Variants in SLC7A3 observed in about 807,000 individuals in gnomAD.
SLC7A3 encodes solute carrier family 7 member 3.
SLC7A3 carries 3 observed loss-of-function variants against 33.2 expected under a neutral mutation model. The observed-to-expected ratio is 0.09, with a 90% CI of 0.04 to 0.23. The LOEUF (loss-of-function observed/expected upper bound fraction) is 0.23, where lower values mean the gene tolerates loss of function less well. SLC7A3 is among the 10% of genes least tolerant of loss of function. The pLI, the probability that SLC7A3 is intolerant of heterozygous loss-of-function variation, is 1.00. For missense variants in SLC7A3, 360 were observed against 488.8 expected (o/e 0.74, Z 2.48); for synonymous variants, 193 against 195.1 (o/e 0.99, Z 0.09).
rs755496859 is a variant in SLC7A3, at chrX:70,926,160, G to A, written c.1639C>T (p.Leu547Phe). 18 of 1,209,507 alleles carry A rather than the reference G, an allele frequency of 1.5e-5. No homozygotes were observed. The highest frequency in any genetic ancestry group is 2.3e-4 in the Middle Eastern group (1 of 4,351). The change falls in exon 11 of 12, where the codon CTC becomes TTC. Residue 547 changes from leucine (L) to phenylalanine (F), a missense_variant. By Grantham distance (22) the Leu-to-Phe change is conservative. Transcript: ENST00000374299. ...LHFKVPALPL[L>F]PLMSIFVNIY... Reference sequence around the variant, plus strand: ...TTCACAAAGATGCTCATTAGTGGGAGGAGAGGCAAAGCAGGCACCTGAAAA... The same window carrying A: ...TTCACAAAGATGCTCATTAGTGGGAAGAGAGGCAAAGCAGGCACCTGAAAA...
intron 3 of SLC7A3, 76 bp from the exon 4 acceptor site, chrX:70,928,709 C>T (rs1194766375): frequency 8.9e-7 from 1 of 1,122,111 alleles, no homozygotes; most frequent in Non-Finnish European, 1.2e-6. Context: ...AGGTTCCTTC[C>T]CAGCTTTTCT....
Position 70,926,644 on chromosome X carries a change from T to C in SLC7A3, c.1503A>G (p.Pro501=), listed in dbSNP as rs948902263. 13 of 1,193,338 alleles carry C rather than the reference T, an allele frequency of 1.1e-5. No individual in the cohort carries two copies. The highest frequency in any genetic ancestry group is 1.5e-5 in the Non-Finnish European group (13 of 886,564). ...LCLVLAQWSV[P]LLSGDLLWTA... The stretch of plus-strand genomic sequence containing the variant: ...TCCACAGCAGGTCTCCAGAAAGCAA[T>C]GGAACTGACCACTGGGCCAGCACCA... The change falls in exon 10 of 12, where the codon CCA becomes CCG. Residue 501 remains proline, a synonymous_variant. Coordinates refer to ENST00000374299, the MANE Select transcript of SLC7A3 (RefSeq NM_032803.6).
At position 70,929,485 on chromosome X, in the gene SLC7A3, C is replaced by A. The variant is rs759068595; in HGVS notation, c.370+143G>T. On this transcript the variant is annotated intron_variant, in intron 2 of 11. Transcript: ENST00000374299. Reference sequence around the variant, plus strand: ...AGCAATTTCTCCACACCTTCAACACCCCCCCCCAGACCCCCAGCAAACCCG... The same window carrying A: ...AGCAATTTCTCCACACCTTCAACACACCCCCCCAGACCCCCAGCAAACCCG... 2.6e-3 allele frequency: 1,523 copies of A among 575,374 alleles called. 28 individuals are homozygous for A. The African/African-American group carries it at 0.06, about 23-fold the overall frequency. 47.4% of individuals were successfully genotyped at this position (575,374 alleles called of 1,213,427 possible).
Position 70,929,912 on chromosome X carries a change from G to T in SLC7A3, c.86C>A (p.Ala29Asp). ...LESGMAETRL[A>D]RCLSTLDLVA... The stretch of plus-strand genomic sequence containing the variant: ...TAAATCCAGGGTGCTTAGGCATCTG[G>T]CAAGGCGAGTCTCAGCCATGCCTGA... The change falls in exon 2 of 12, where the codon GCC (alanine) becomes GAC (aspartate). Residue 29 changes from alanine to aspartate, a missense_variant. Ala to Asp is a moderately radical substitution (Grantham distance 126, BLOSUM62 -2). Transcript: ENST00000374299. The T allele has an allele frequency of 8.3e-7, 1 of 1,211,854 alleles. No individual in the cohort carries two copies. Among genetic ancestry groups the T allele is most frequent in the Non-Finnish European group, 1.1e-6 (1 of 895,446 alleles).
In SLC7A3 at chrX:70,927,313, A is replaced by C. The variant is rs1320956802; in HGVS notation, c.1255T>G (p.Ser419Ala). 8.3e-7 allele frequency: 1 copy of C among 1,209,379 alleles called. No individual in the cohort carries two copies. The highest frequency in any genetic ancestry group is 3.0e-5 in the East Asian group (1 of 33,784). ...ATGAGAACACAAATCGACACCAGGG[A>C]GTAAGCAAGCAGGGTCCCAATTGAC... ...LMSIGTLLAY[S>A]LVSICVLILR... Residue 419 changes from serine to alanine, a missense_variant, in exon 8 of 12, where the codon TCC (serine) becomes GCC (alanine). Ser to Ala is a moderately conservative substitution (Grantham distance 99). Transcript: ENST00000374299.
rs1419066282 is a variant in SLC7A3, at chrX:70,926,110, T to C, written c.1689A>G (p.Thr563=). The stretch of plus-strand genomic sequence containing the variant: ...CCCCAAATCGGGCCCAGGTACCAGC[T>C]GTCATCTGCATCATAAGGTAAATAT... ...FVNIYLMMQM[T]AGTWARFGVW... Residue 563 remains threonine, a synonymous_variant, in exon 11 of 12, where the codon ACA becomes ACG. Transcript: ENST00000374299. 2 of 1,209,410 alleles carry C rather than the reference T, an allele frequency of 1.7e-6. No homozygotes were observed. Among genetic ancestry groups the C allele is most frequent in the Admixed American group, 2.2e-5 (1 of 45,610 alleles).
chrX:70,926,895 T>C lies in SLC7A3; in HGVS notation c.1433A>G (p.Tyr478Cys), dbSNP rs755771269. The C allele has an allele frequency of 2.7e-5, 33 of 1,207,309 alleles. No homozygotes were observed. The highest frequency in any genetic ancestry group is 3.5e-5 in the Non-Finnish European group (31 of 894,516). The change falls in exon 9 of 12, where the codon TAT becomes TGT. Residue 478 changes from tyrosine to cysteine, a missense_variant. Transcript: ENST00000374299. ...CTCACCAAGCAATGAGGAACAAACA[T>C]AGACAATTTGGCCAGAGAGTGGAGT... The part of the protein sequence containing the change: ...IPTPLSGQIV[Y>C]VCSSLLAVLL...
In SLC7A3 at chrX:70,929,798, A is replaced by G; in HGVS notation, c.200T>C (p.Val67Ala). The change falls in exon 2 of 12, where the codon GTG (valine) becomes GCG (alanine). Residue 67 changes from valine (V) to alanine (A), a missense_variant. Val to Ala is a moderately conservative substitution (Grantham distance 64). Coordinates refer to ENST00000374299, the MANE Select transcript of SLC7A3 (RefSeq NM_032803.6). ...CAGGGCAGCCACCAAAAAGCAGATC[A>G]CAATGGATGGCCCTGCTTTATCTTT... The part of the protein sequence containing the change: ...VAKDKAGPSI[V>A]ICFLVAALSS... 1 of 1,210,246 alleles carries G rather than the reference A, an allele frequency of 8.3e-7. No homozygotes were observed. The highest frequency in any genetic ancestry group is 1.1e-6 in the Non-Finnish European group (1 of 894,620).
intron 4 of SLC7A3, 41 bp downstream of exon 4, chrX:70,928,415 C>A (rs749007112): frequency 6.9e-6 from 8 of 1,161,735 alleles, no homozygotes; most frequent in Admixed American, 2.5e-5. Context: ...TCTTCCCCTT[C>A]ATTTTCCCAG....
At chrX:70,929,585 T>C in intron 2 of SLC7A3, 43 bp downstream of exon 2, 4 of 1,166,803 alleles carry the variant, frequency 3.4e-6, no homozygotes, top group Non-Finnish European at 4.6e-6. Flanking sequence ...CAAAAACCCC[T>C]TTGCTGGCTG....
Position 70,930,014 on chromosome X carries a change from G to T in SLC7A3, c.-17C>A. The T allele has an allele frequency of 2.5e-6, 3 of 1,186,492 alleles. No homozygotes were observed. Among genetic ancestry groups the T allele is most frequent in the Non-Finnish European group, 3.4e-6 (3 of 880,634 alleles). On this transcript the variant is annotated 5_prime_UTR_variant, in exon 2 of 12. Coordinates refer to ENST00000374299, the MANE Select transcript of SLC7A3 (RefSeq NM_032803.6). ...CCACGGCATCCTAGCAGGAATTGAA[G>T]AAGATGATCTGGTGAAAAACAAGAC...
Position 70,927,386 on chromosome X carries a change from TA to T in SLC7A3, c.1184-3del. 1 of 1,209,967 alleles carries T rather than the reference TA, an allele frequency of 8.3e-7. No individual in the cohort carries two copies. The highest frequency in any genetic ancestry group is 1.7e-5 in the African/African-American group (1 of 57,588). On this transcript the variant is annotated splice_polypyrimidine_tract_variant and splice_region_variant and intron_variant, in intron 7 of 11. Coordinates refer to ENST00000374299, the MANE Select transcript of SLC7A3 (RefSeq NM_032803.6). ...GTTTGAAGAGGAATGCCATGAATGC[TA>T]AAATTAATAGGCAGGAAACAAGAAA...
intron 2 of SLC7A3, 26 bp from the exon 3 acceptor site, chrX:70,929,028 T>C (rs778712295): frequency 8.3e-7 from 1 of 1,201,124 alleles, no homozygotes; most frequent in South Asian, 1.8e-5. Flanking sequence ...GAGAAACATG[T>C]GGCCAAGTTC....
At chrX:70,929,126 T>G (rs910435199) in intron 2 of SLC7A3, 124 bp from the exon 3 acceptor site, 28 of 704,496 alleles carry the variant, frequency 4.0e-5, no homozygotes, top group Non-Finnish European at 5.9e-5. Context: ...AGTCTCACTC[T>G]GTCACCCAGG....
chrX:70,926,604 G>C lies in SLC7A3; in HGVS notation c.1543C>G (p.Leu515Val). 8.4e-7 allele frequency: 1 copy of C among 1,196,980 alleles called. No homozygotes were observed. Residue 515 changes from leucine (L) to valine (V), a missense_variant, in exon 10 of 12, where the codon CTG becomes GTG. Leu to Val is a conservative substitution (Grantham distance 32, BLOSUM62 1). Coordinates refer to ENST00000374299, the MANE Select transcript of SLC7A3 (RefSeq NM_032803.6). ...ATCCCAATAATGAGCAGCAGGAGCA[G>C]CACAACCACTGCAGTCCACAGCAGG... The part of the protein sequence containing the change: ...GDLLWTAVVV[L>V]LLLLIIGIIV...
Position 70,927,834 on chromosome X carries a change from A to G in SLC7A3, c.1007T>C (p.Val336Ala). The G allele has an allele frequency of 8.4e-7, 1 of 1,190,230 alleles. No individual in the cohort carries two copies. Among genetic ancestry groups the G allele is most frequent in the Non-Finnish European group, 1.1e-6 (1 of 884,551 alleles). ...AGCACAGAGGGAGCCAACAGCCACAACATAGCGGGCAGGAGCCCATCCAAT... is the reference window on the plus strand; with the variant it reads ...AGCACAGAGGGAGCCAACAGCCACAGCATAGCGGGCAGGAGCCCATCCAAT... The part of the protein sequence containing the change: ...LYIGWAPARY[V>A]VAVGSLCALS... The change falls in exon 6 of 12, where the codon GTT becomes GCT. Residue 336 changes from valine to alanine, a missense_variant. Transcript: ENST00000374299.
At position 70,925,731 on chromosome X, in the gene SLC7A3, A is replaced by G; in HGVS notation, c.*82T>C. ...TATTAGTATCCACCACCACCATCAC[A>G]GGGGAGGGCTAGCTGTCACTGGGGT... is the stretch of plus-strand genomic sequence containing the variant. On this transcript the variant is annotated 3_prime_UTR_variant, in exon 12 of 12. Coordinates refer to ENST00000374299, the MANE Select transcript of SLC7A3 (RefSeq NM_032803.6). 3 of 1,093,041 alleles carry G rather than the reference A, an allele frequency of 2.7e-6. No individual in the cohort carries two copies. The highest frequency in any genetic ancestry group is 3.8e-6 in the Non-Finnish European group (3 of 793,905). 90.1% of individuals were successfully genotyped at this position (1,093,041 alleles called of 1,213,427 possible). A position where few individuals can be genotyped will look rare whatever the true frequency, so the allele number is the denominator to read the frequency against.
chrX:70,929,338 G>T (rs72628883), intron 2 of SLC7A3, among the ~76,000 whole-genome samples: 5,890 of 111,690 alleles, frequency 0.053, 349 homozygotes, highest in Admixed American at 0.26. Context: ...TGATCTGTCT[G>T]CCTCGGCTTC....
At chrX:70,926,044 C>A (rs1390755954) in intron 11 of SLC7A3, 26 bp downstream of exon 11, 1 of 1,204,162 alleles carries the variant, frequency 8.3e-7, no homozygotes, top group Non-Finnish European at 1.1e-6. Flanking sequence ...ACCAAAGAAG[C>A]CTACTCTTCC....
Sources: allele counts gnomAD v4.1 joint callset (sites outside exome capture counted in the v4.1 genomes callset), GRCh38; gene constraint gnomAD v4.1.1; transcripts MANE v1.5; gene names NCBI Gene and HGNC (gene_info 2026-07-23, HGNC 2026-07-21).